The following TP53BP2 variants were observed in gnomAD, a reference collection of about 807,000 sequenced individuals.
TP53BP2 encodes tumor protein p53 binding protein 2, also known as apoptosis-stimulating of p53 protein 2.
TP53BP2 carries 62 observed loss-of-function variants against 126.2 expected under a neutral mutation model. The observed-to-expected ratio is 0.49, with a 90% CI of 0.40 to 0.61. The LOEUF is 0.61. Ranked by LOEUF, TP53BP2 falls within the 20% of genes least tolerant of loss-of-function variation. The probability of loss-of-function intolerance (pLI) is 0.00; values close to 1 mark genes in which losing one functional copy is unlikely to be tolerated. For synonymous variants in TP53BP2, 485 were observed against 502.9 expected (o/e 0.96, Z 0.48); for missense variants, 1,215 against 1,402.8 (o/e 0.87, Z 2.14).
chr1:223,837,601 T>G (rs1663964936), intron 1 of TP53BP2, among the ~76,000 whole-genome samples: 1 of 140,220 alleles, frequency 7.1e-6, no homozygotes, highest in Non-Finnish European at 1.6e-5. Context: ...AGCTGGGCCT[T>G]AGGTGTGGTA....
At chr1:223,782,358 T>C (rs1415145802) in intron 17 of TP53BP2, among the ~76,000 whole-genome samples, 1 of 152,184 alleles carries the variant, frequency 6.6e-6, no homozygotes, top group East Asian at 1.9e-4. Context: ...TTATTTACCA[T>C]TGATGTTTAT....
chr1:223,839,579 G>A (rs1319990507), intron 1 of TP53BP2, among the ~76,000 whole-genome samples: 3 of 152,154 alleles, frequency 2.0e-5, no homozygotes, highest in Non-Finnish European at 4.4e-5. Context: ...AGGAATTTTG[G>A]GTTGATATGT....
intron 2 of TP53BP2, among the ~76,000 whole-genome samples, chr1:223,817,229 G>A (rs949533188): frequency 1.2e-4 from 15 of 126,048 alleles, no homozygotes; most frequent in Admixed American, 7.2e-4. Flanking sequence ...GGAGGAGGGG[G>A]AGAGAAAGGA....
At chr1:223,799,317 T>A (rs1287089096) in intron 11 of TP53BP2, among the ~76,000 whole-genome samples, 1 of 152,192 alleles carries the variant, frequency 6.6e-6, no homozygotes, top group African/African-American at 2.4e-5. Context: ...ATAATGGTTT[T>A]CATTAATGCA....
chr1:223,833,406 C>G (rs1663812083), intron 1 of TP53BP2, among the ~76,000 whole-genome samples: 1 of 152,118 alleles, frequency 6.6e-6, no homozygotes, highest in Non-Finnish European at 1.5e-5. Context: ...GTCTCAATAT[C>G]AATTTGAACA....
intron 7 of TP53BP2, 134 bp downstream of exon 7, chr1:223,803,137 G>T: frequency 8.8e-7 from 1 of 1,137,380 alleles, no homozygotes; most frequent in Non-Finnish European, 1.2e-6. Context: ...ATTCTCTGGA[G>T]TTTGGGTTCC....
At chr1:223,785,410 T>C (rs1288563028) in intron 16 of TP53BP2, among the ~76,000 whole-genome samples, 1 of 152,224 alleles carries the variant, frequency 6.6e-6, no homozygotes, top group East Asian at 1.9e-4. Flanking sequence ...AAAGATGACA[T>C]GCAAAGCATG....
At chr1:223,793,151 T>C (rs1009074800) in intron 14 of TP53BP2, 152 bp downstream of exon 14, 1 of 682,148 alleles carries the variant, frequency 1.5e-6, no homozygotes, top group African/African-American at 1.9e-5. Flanking sequence ...GGAAAACAAT[T>C]TTAAAATACA....
intron 15 of TP53BP2, among the ~76,000 whole-genome samples, chr1:223,790,258 A>T (rs1406189442): frequency 6.7e-6 from 1 of 150,234 alleles, no homozygotes; most frequent in Non-Finnish European, 1.5e-5. Flanking sequence ...TCTCAAAAAA[A>T]TTTTTATTTT....
At chr1:223,818,446 G>A (rs974092715) in intron 2 of TP53BP2, 1 of 148,264 alleles carries the variant, frequency 6.7e-6, no homozygotes, top group Non-Finnish European at 1.5e-5. Context: ...GGAAGTTGCA[G>A]TGGGCCAAGA....
chr1:223,809,159 CA>C (rs1662825255), intron 4 of TP53BP2, among the ~76,000 whole-genome samples: 1 of 152,204 alleles, frequency 6.6e-6, no homozygotes, highest in African/African-American at 2.4e-5. Context: ...CCTCATGCCT[CA>C]GCCTCTAGTT....
intron 1 of TP53BP2, among the ~76,000 whole-genome samples, chr1:223,831,780 T>G (rs576248312): frequency 3.2e-4 from 48 of 148,626 alleles, no homozygotes; most frequent in African/African-American, 1.2e-3. Flanking sequence ...AAAAAAACAC[T>G]GTGTTAAGTT....
chr1:223,845,529 C>T (rs2102898311), intron 1 of TP53BP2, 125 bp downstream of exon 1: 2 of 1,088,000 alleles, frequency 1.8e-6, no homozygotes, highest in Non-Finnish European at 1.2e-6. Context: ...CGGAAAGCCC[C>T]GGCCCCTCCG....
At chr1:223,805,931 T>C (rs1312726576) in intron 5 of TP53BP2, among the ~76,000 whole-genome samples, 13 of 152,256 alleles carry the variant, frequency 8.5e-5, no homozygotes, top group Non-Finnish European at 1.9e-4. Context: ...ATTTACTATG[T>C]AGCCCTTTAC....
intron 16 of TP53BP2, among the ~76,000 whole-genome samples, chr1:223,785,760 T>C (rs1051916705): frequency 1.3e-5 from 2 of 152,246 alleles, no homozygotes; most frequent in African/African-American, 4.8e-5. Context: ...TGTAGATTAC[T>C]TTTTAAAAAA....
rs1400612664 is a variant in TP53BP2, at chr1:223,789,172, G to A, written c.2999C>T (p.Thr1000Ile). 2 of 1,613,898 alleles carry A rather than the reference G, an allele frequency of 1.2e-6. No individual in the cohort carries two copies. Among genetic ancestry groups the A allele is most frequent in the East Asian group, 2.2e-5 (1 of 44,892 alleles). The change falls in exon 16 of 18, where the codon ACT becomes ATT. Residue 1000 changes from threonine to isoleucine, a missense_variant and splice_region_variant. Thr to Ile is a moderately conservative substitution (Grantham distance 89). Around this residue, in one of 4 missense-constraint regions of TP53BP2, gnomAD observed 151 missense variants for 231.2 expected, o/e 0.65. Coordinates refer to ENST00000343537, the MANE Select transcript of TP53BP2 (RefSeq NM_001031685.3). ...NVNAADSDGW[T>I]PLHCAASCNN... is the part of the protein sequence containing the mutation. Reference sequence around the variant, plus strand: ...ACATGAGGCAGCACAATGTAATGGAGTCCTGTGAAGCAAGATACGAGGGCT... The same window carrying A: ...ACATGAGGCAGCACAATGTAATGGAATCCTGTGAAGCAAGATACGAGGGCT...
chr1:223,782,032 C>T (rs1051784927), intron 17 of TP53BP2, among the ~76,000 whole-genome samples: 1 of 131,162 alleles, frequency 7.6e-6, no homozygotes, highest in Non-Finnish European at 1.5e-5. Flanking sequence ...TGTCATTAAC[C>T]ACAGGACCTG....
At chr1:223,804,071 G>T in intron 6 of TP53BP2, 103 bp downstream of exon 6, 1 of 1,256,528 alleles carries the variant, frequency 8.0e-7, no homozygotes, top group Non-Finnish European at 1.1e-6. Context: ...ATCACTTGAG[G>T]CCACGGTTCA....
At chr1:223,784,720 G>A (rs1438138324) in intron 16 of TP53BP2, among the ~76,000 whole-genome samples, 4 of 152,088 alleles carry the variant, frequency 2.6e-5, no homozygotes, top group Non-Finnish European at 5.9e-5. Context: ...AGGAACTCTA[G>A]AAACATTACT....
Sources: gnomAD v4.1 joint callset for allele counts (sites outside exome capture counted in the v4.1 genomes callset) on GRCh38, gnomAD v4.1.1 for gene constraint, gnomAD v4.1.1 regional missense constraint, MANE v1.5 for transcripts, NCBI Gene and HGNC (gene_info 2026-07-23, HGNC 2026-07-21) for gene names.